ABCB7: variants seen among roughly 807,000 people sequenced by gnomAD.
ABCB7 encodes the protein ATP binding cassette subfamily B member 7.
In ABCB7, 7 loss-of-function variants were observed where a neutral mutation model predicts 54.4. The observed-to-expected ratio is 0.13, with a 90% confidence interval of 0.07 to 0.24. ABCB7 has a LOEUF of 0.24. Ranked by LOEUF, ABCB7 falls within the 10% of genes least tolerant of loss-of-function variation. The pLI is 1.00. For missense variants in ABCB7, 356 were observed against 570.4 expected, an observed-to-expected ratio of 0.62 and a Z score of 3.83; for synonymous variants, 218 against 207.1, an observed-to-expected ratio of 1.05 and a Z score of -0.45.
chrX:75,105,912 C>T (rs746788187), intron 3 of ABCB7, among the ~76,000 whole-genome samples: 1 of 111,613 alleles, frequency 9.0e-6, no homozygotes, highest in South Asian at 3.7e-4. Flanking sequence ...TCAATAAATA[C>T]TGCTGGGAAA....
intron 1 of ABCB7, among the ~76,000 whole-genome samples, chrX:75,149,864 G>A (rs897626771): frequency 9.0e-6 from 1 of 110,976 alleles, no homozygotes; most frequent in Non-Finnish European, 1.9e-5. Context: ...GACATAGGGT[G>A]TGGCATAAAA....
chrX:75,130,240 C>A (rs1445541480), intron 1 of ABCB7, among the ~76,000 whole-genome samples: 5 of 111,871 alleles, frequency 4.5e-5, no homozygotes, highest in African/African-American at 1.6e-4. Flanking sequence ...TTTAAAAATA[C>A]AGGAGTGATA....
At chrX:75,152,771 T>C (rs2082141830) in intron 1 of ABCB7, among the ~76,000 whole-genome samples, 1 of 109,150 alleles carries the variant, frequency 9.2e-6, no homozygotes, top group African/African-American at 3.3e-5. Context: ...GCAATTCTCC[T>C]GTCTCAGTCT....
intron 3 of ABCB7, among the ~76,000 whole-genome samples, chrX:75,102,865 A>G (rs758802606): frequency 9.0e-6 from 1 of 111,577 alleles, no homozygotes; most frequent in East Asian, 2.8e-4. Context: ...AGGGAAGAGG[A>G]TATCTCATGT....
chrX:75,072,583 A>G (rs898010807), intron 8 of ABCB7, among the ~76,000 whole-genome samples: 4 of 111,697 alleles, frequency 3.6e-5, no homozygotes, highest in Admixed American at 2.9e-4. Context: ...TTGCAGTGGT[A>G]TATCTGTATA....
intron 4 of ABCB7, among the ~76,000 whole-genome samples, chrX:75,091,630 A>G (rs977198948): frequency 1.8e-5 from 2 of 110,328 alleles, no homozygotes; most frequent in Non-Finnish European, 3.8e-5. Context: ...ACAAAATAAA[A>G]CTGTCTTTGT....
chrX:75,068,667 T>G (rs771784347), intron 12 of ABCB7, among the ~76,000 whole-genome samples: 3 of 112,287 alleles, frequency 2.7e-5, no homozygotes, highest in Non-Finnish European at 5.6e-5. Flanking sequence ...ACAATAATTC[T>G]ATCCTATAAG....
chrX:75,058,947 T>C (rs1369425346), intron 15 of ABCB7, among the ~76,000 whole-genome samples: 1 of 111,630 alleles, frequency 9.0e-6, no homozygotes, highest in Non-Finnish European at 1.9e-5. Context: ...TTTAAGACAT[T>C]CTGGTACAAC....
At position 75,104,047 on chromosome X, in the gene ABCB7, G is replaced by GTTTTTTTGTTTTTTTT. The variant is rs2081663659; in HGVS notation, c.334-4987_334-4986insAAAAAAAACAAAAAAA. 4.0e-3 allele frequency among the ~76,000 whole-genome samples: 54 copies of GTTTTTTTGTTTTTTTT among 13,448 alleles called. 7 individuals carry two copies. Among genetic ancestry groups the GTTTTTTTGTTTTTTTT allele is most frequent in the African/African-American group, 6.4e-3 (40 of 6,281 alleles). 11.7% of individuals were successfully genotyped at this position (13,448 alleles called of 115,157 possible). A position where few individuals can be genotyped will look rare whatever the true frequency, so the allele number is the denominator to read the frequency against. On this transcript the variant is annotated intron_variant, in intron 3 of 15. Transcript: ENST00000373394. ...AAATGGGCATCCCTGTCTTGTTACA[G>GTTTTTTTGTTTTTTTT]TTTTTTTTTTTTTTTTTTTTTTTTT... is the stretch of plus-strand genomic sequence containing the variant.
In ABCB7 at chrX:75,073,267, G is replaced by C. The variant is rs149841045; in HGVS notation, c.1032+422C>G. Among the ~76,000 whole-genome samples, 977 of 111,801 alleles carry C rather than the reference G, an allele frequency of 8.7e-3. 5 individuals carry two copies. The highest frequency in any genetic ancestry group is 0.014 in the Non-Finnish European group (740 of 53,091). ...AGTTTATCATTATCAAATATTAAAT[G>C]ATGGGTCGCGCAGCTGGTTTGTTTC... On this transcript the variant is annotated intron_variant, in intron 8 of 15. Coordinates refer to ENST00000373394, the MANE Select transcript of ABCB7 (RefSeq NM_001271696.3).
chrX:75,059,766 C>G (rs192899879), intron 15 of ABCB7, among the ~76,000 whole-genome samples: 1 of 110,956 alleles, frequency 9.0e-6, no homozygotes, highest in African/African-American at 3.3e-5. Context: ...CTTACTTTCC[C>G]GAAAAGGAAA....
intron 15 of ABCB7, among the ~76,000 whole-genome samples, chrX:75,058,301 G>C (rs2147446314): frequency 9.0e-6 from 1 of 110,862 alleles, no homozygotes; most frequent in East Asian, 2.8e-4. Context: ...CAATTTGCTG[G>C]TATCTCTTGT....
intron 1 of ABCB7, among the ~76,000 whole-genome samples, chrX:75,144,230 C>T (rs2147573908): frequency 8.9e-6 from 1 of 111,761 alleles, no homozygotes; most frequent in South Asian, 3.7e-4. Flanking sequence ...AATGTCACTC[C>T]CTACTTAAAA....
rs182383808 is a variant in ABCB7, at chrX:75,106,160, A to T, written c.333+6726T>A. Among the ~76,000 whole-genome samples the T allele has an allele frequency of 3.6e-4, 40 of 111,882 alleles. No homozygotes were observed. The East Asian group carries it at 9.2e-3, about 26-fold the overall frequency. On this transcript the variant is annotated intron_variant, in intron 3 of 15. Coordinates refer to ENST00000373394, the MANE Select transcript of ABCB7 (RefSeq NM_001271696.3). ...ATACAGCAAAATAAATAATTAACAG[A>T]TTAAATAGAAAACTTACAGAATGGG...
At chrX:75,061,282 C>T (rs757784933) in intron 14 of ABCB7, among the ~76,000 whole-genome samples, 2 of 111,548 alleles carry the variant, frequency 1.8e-5, no homozygotes, top group African/African-American at 6.5e-5. Context: ...CTCCCCTTGG[C>T]GGGTTGTCTA....
intron 5 of ABCB7, among the ~76,000 whole-genome samples, chrX:75,076,113 T>A (rs1209658243): frequency 1.8e-5 from 2 of 111,842 alleles, no homozygotes; most frequent in Admixed American, 1.9e-4. Context: ...AATTGTAGAT[T>A]TGTGTCATTA....
chrX:75,066,798 A>G (rs2081322491), intron 12 of ABCB7, among the ~76,000 whole-genome samples: 1 of 111,449 alleles, frequency 9.0e-6, no homozygotes, highest in Non-Finnish European at 1.9e-5. Context: ...TCAGGATATT[A>G]TATTTTGCTT....
intron 1 of ABCB7, among the ~76,000 whole-genome samples, chrX:75,134,052 G>A (rs781611172): frequency 8.0e-5 from 9 of 112,071 alleles, no homozygotes; most frequent in Non-Finnish European, 1.7e-4. Flanking sequence ...GTTGCATAAA[G>A]AAACAAGACC....
intron 13 of ABCB7, among the ~76,000 whole-genome samples, chrX:75,063,242 A>G (rs1421751592): frequency 1.8e-5 from 2 of 111,186 alleles, no homozygotes; most frequent in Non-Finnish European, 3.8e-5. Flanking sequence ...AACCTTTATT[A>G]CTGAGACTAC....
Sources: gnomAD v4.1 joint callset for allele counts (sites outside exome capture counted in the v4.1 genomes callset) on GRCh38, gnomAD v4.1.1 for gene constraint, MANE v1.5 for transcripts, NCBI Gene and HGNC (gene_info 2026-07-23, HGNC 2026-07-21) for gene names.